Variants in FRMD6 observed in about 807,000 individuals in gnomAD.
The protein encoded by FRMD6 is FERM domain containing 6.
A neutral mutation model predicts 73.2 loss-of-function variants in FRMD6; 37 were observed. The ratio of observed to expected loss-of-function variants is 0.51; its 90% CI spans 0.39 to 0.66. The LOEUF (loss-of-function observed/expected upper bound fraction) is 0.66. Among genes scored for constraint, FRMD6 ranks in the 30% least tolerant of loss-of-function variants. FRMD6 has a pLI of 0.00. For missense variants in FRMD6, 714 were observed against 780.5 expected (o/e 0.91, Z 1.02); for synonymous variants, 273 against 282.2 (o/e 0.97, Z 0.33).
chr14:51,591,973 A>G (rs1022172324), intron 2 of FRMD6, among the ~76,000 whole-genome samples: 1 of 152,224 alleles, frequency 6.6e-6, no homozygotes, highest in Non-Finnish European at 1.5e-5. Context: ...TCTAGCTTTC[A>G]TGGTCATTTT....
At chr14:51,559,350 T>C (rs1887341312) in intron 1 of FRMD6, among the ~76,000 whole-genome samples, 1 of 152,248 alleles carries the variant, frequency 6.6e-6, no homozygotes. Flanking sequence ...TTTCTCAAAG[T>C]GTGGTCCTTA....
At chr14:51,574,883 T>G (rs117522772) in intron 2 of FRMD6, among the ~76,000 whole-genome samples, 5,812 of 152,310 alleles carry the variant, frequency 0.038, 146 homozygotes, top group Non-Finnish European at 0.055. Context: ...ATGCCCCATT[T>G]ACCCTGGTGT....
chr14:51,584,922 C>T (rs1247670117), intron 2 of FRMD6, among the ~76,000 whole-genome samples: 1 of 152,116 alleles, frequency 6.6e-6, no homozygotes, highest in African/African-American at 2.4e-5. Context: ...TCAGTTTCCT[C>T]ATTCATAAAA....
chr14:51,607,142 A>G (rs1013188368), intron 2 of FRMD6, among the ~76,000 whole-genome samples: 1 of 152,240 alleles, frequency 6.6e-6, no homozygotes, highest in Admixed American at 6.5e-5. Flanking sequence ...CAGCCAACAC[A>G]GTGCTTTACC....
intron 5 of FRMD6, 22 bp from the exon 6 acceptor site, chr14:51,704,727 C>T (rs759358412): frequency 2.5e-6 from 4 of 1,587,880 alleles, no homozygotes; most frequent in Non-Finnish European, 3.4e-6. Flanking sequence ...AATGTGAGTT[C>T]TGTTTTCTTT....
At chr14:51,700,240 T>A (rs1896218355) in intron 3 of FRMD6, among the ~76,000 whole-genome samples, 1 of 152,030 alleles carries the variant, frequency 6.6e-6, no homozygotes. Context: ...AGTATAGGAA[T>A]GCCAAAGACT....
At chr14:51,725,650 C>CAA (rs1294897355) in intron 12 of FRMD6, 129 bp from the exon 13 acceptor site, 13 of 646,218 alleles carry the variant, frequency 2.0e-5, no homozygotes, top group Non-Finnish European at 3.1e-5. Context: ...ACCAAAGAGT[C>CAA]ACAGTGAAAC....
intron 2 of FRMD6, among the ~76,000 whole-genome samples, chr14:51,578,304 A>T (rs911828556): frequency 2.7e-4 from 41 of 152,236 alleles, no homozygotes; most frequent in African/African-American, 9.4e-4. Context: ...CACAAAGAAT[A>T]TAAAGTAAGT....
intron 1 of FRMD6, among the ~76,000 whole-genome samples, chr14:51,551,659 C>G (rs889285412): frequency 6.6e-6 from 1 of 152,040 alleles, no homozygotes; most frequent in Non-Finnish European, 1.5e-5. Context: ...ATGGCTTGAG[C>G]CCAGGAGGTC....
the FRMD6 span, among the ~76,000 whole-genome samples, chr14:51,413,140 A>T: frequency 1.3e-5 from 2 of 151,826 alleles, no homozygotes; most frequent in South Asian, 4.2e-4. Context: ...ACAGGCACAC[A>T]CTACCACACT....
chr14:51,671,590 T>C (rs1042063279), intron 1 of FRMD6, among the ~76,000 whole-genome samples: 2 of 152,274 alleles, frequency 1.3e-5, no homozygotes, highest in African/African-American at 2.4e-5. Context: ...AGAACCCCTC[T>C]CAAAGCAGCA....
intron 1 of FRMD6, among the ~76,000 whole-genome samples, chr14:51,541,427 A>G (rs777692767): frequency 1.3e-5 from 2 of 152,148 alleles, no homozygotes; most frequent in African/African-American, 2.4e-5. Flanking sequence ...TGGAGTTTAT[A>G]TCCTGGTAGA....
chr14:51,633,634 T>C (rs890534055), intron 2 of FRMD6, among the ~76,000 whole-genome samples: 1 of 146,188 alleles, frequency 6.8e-6, no homozygotes, highest in African/African-American at 2.5e-5. Context: ...AATAATTATA[T>C]GTCATAGTTT....
At chr14:51,666,688 A>G (rs546536317) in intron 1 of FRMD6, among the ~76,000 whole-genome samples, 27 of 152,368 alleles carry the variant, frequency 1.8e-4, no homozygotes, top group Admixed American at 7.2e-4. Flanking sequence ...TAATAGTTAA[A>G]AAGTTTTTTC....
chr14:51,712,468 A>T lies in FRMD6; in HGVS notation c.781-15A>T. 2 of 1,517,320 alleles carry T rather than the reference A, an allele frequency of 1.3e-6. No homozygotes were observed. Among genetic ancestry groups the T allele is most frequent in the Non-Finnish European group, 1.8e-6 (2 of 1,094,096 alleles). The allele number at this position is 1,517,320 out of a possible 1,614,324, so 94.0% of individuals were successfully genotyped here. A position where few individuals can be genotyped will look rare whatever the true frequency, so the allele number is the denominator to read the frequency against. On this transcript the variant is annotated splice_polypyrimidine_tract_variant and intron_variant, in intron 8 of 13. Transcript: ENST00000344768. ...CATTTTTCCCATTAACTCCATATGCATATTCTTTTCACAGAATTTAGATGA... is the reference window on the plus strand; with the variant it reads ...CATTTTTCCCATTAACTCCATATGCTTATTCTTTTCACAGAATTTAGATGA...
the FRMD6 span, among the ~76,000 whole-genome samples, chr14:51,459,077 G>T: frequency 6.6e-6 from 1 of 152,234 alleles, no homozygotes; most frequent in Non-Finnish European, 1.5e-5. Flanking sequence ...GCTGAACGGT[G>T]CTAGCAGCTA....
At chr14:51,461,516 G>A in the FRMD6 span, among the ~76,000 whole-genome samples, 1 of 152,302 alleles carries the variant, frequency 6.6e-6, no homozygotes, top group African/African-American at 2.4e-5. Flanking sequence ...CCAGTCAAAT[G>A]CTGAAACCAC....
At chr14:51,598,056 C>T (rs1242702937) in intron 2 of FRMD6, among the ~76,000 whole-genome samples, 2 of 152,148 alleles carry the variant, frequency 1.3e-5, no homozygotes, top group Non-Finnish European at 2.9e-5. Context: ...CTGATTTCTC[C>T]CCAGTGGAAA....
chr14:51,473,977 G>T, the FRMD6 span, among the ~76,000 whole-genome samples: 4 of 152,084 alleles, frequency 2.6e-5, no homozygotes, highest in East Asian at 7.7e-4. Flanking sequence ...TATTGAGCAC[G>T]TATCACATTA....
Sources: gnomAD v4.1 joint callset for allele counts (sites outside exome capture counted in the v4.1 genomes callset) on GRCh38, gnomAD v4.1.1 for gene constraint, MANE v1.5 for transcripts, NCBI Gene and HGNC (gene_info 2026-07-23, HGNC 2026-07-21) for gene names.